Variants in UNC13B observed in about 807,000 individuals in gnomAD.
The protein encoded by UNC13B is unc-13 homolog B.
A neutral mutation model predicts 211.0 loss-of-function variants in UNC13B; 144 were observed. The ratio of observed to expected loss-of-function variants is 0.68; its 90% CI spans 0.60 to 0.78. UNC13B has a LOEUF of 0.78. Ranked by LOEUF, UNC13B falls within the 30% of genes least tolerant of loss-of-function variation. UNC13B has a pLI of 0.00. For synonymous variants in UNC13B, 709 were observed against 725.8 expected (o/e 0.98, Z 0.37); for missense variants, 1,777 against 2,002.0 (o/e 0.89, Z 2.14).
chr9:35,399,783 G>T (rs1836165890), intron 36 of UNC13B, 54 bp downstream of exon 36: 1 of 1,568,582 alleles, frequency 6.4e-7, no homozygotes, highest in African/African-American at 1.4e-5. Flanking sequence ...ACTTGGCCCT[G>T]GCATTCCACT....
At chr9:35,235,878 G>A (rs780403291) in intron 3 of UNC13B, among the ~76,000 whole-genome samples, 1 of 152,164 alleles carries the variant, frequency 6.6e-6, no homozygotes, top group Non-Finnish European at 1.5e-5. Flanking sequence ...TGGCAATAAT[G>A]TCCTTATTAC....
At position 35,333,748 on chromosome 9, in the gene UNC13B, C is replaced by T. The variant is rs186651229; in HGVS notation, c.9414+19759C>T. 1.1e-4 allele frequency among the ~76,000 whole-genome samples: 16 copies of T among 152,292 alleles called. No homozygotes were observed. In the East Asian group the frequency reaches 2.9e-3, roughly 28 times the overall value. On this transcript the variant is annotated intron_variant, in intron 11 of 39. Transcript: ENST00000635942. ...TATTTCCCTCTCTCAAATTCTTGTACATTTTATCTGTGTCCCTTATGATAC... is the reference window on the plus strand; with the variant it reads ...TATTTCCCTCTCTCAAATTCTTGTATATTTTATCTGTGTCCCTTATGATAC...
intron 1 of UNC13B, among the ~76,000 whole-genome samples, chr9:35,192,183 C>A (rs909657237): frequency 6.6e-6 from 1 of 152,092 alleles, no homozygotes; most frequent in Non-Finnish European, 1.5e-5. Flanking sequence ...GTTGAAAGAA[C>A]ATTATAAAAG....
At chr9:35,362,983 C>T (rs1927960) in intron 11 of UNC13B, among the ~76,000 whole-genome samples, 25,139 of 151,952 alleles carry the variant, frequency 0.17, 3,161 homozygotes, top group African/African-American at 0.34. Flanking sequence ...AGAACTATGC[C>T]TTGGAGGAAG....
At chr9:35,372,313 C>T (rs1587719582) in intron 13 of UNC13B, among the ~76,000 whole-genome samples, 1 of 152,240 alleles carries the variant, frequency 6.6e-6, no homozygotes, top group African/African-American at 2.4e-5. Context: ...TCCCAAATCA[C>T]TTGGGCCCTT....
At position 35,400,368 on chromosome 9, in the gene UNC13B, C is replaced by T. The variant is rs1432832753; in HGVS notation, c.12409C>T (p.Arg4137Cys). Residue 4137 changes from arginine to cysteine, a missense_variant, in exon 37 of 40, where the codon CGC becomes TGC. Arg to Cys is a radical substitution (Grantham distance 180). Transcript: ENST00000635942. The stretch of plus-strand genomic sequence containing the variant: ...GAAGAGCCCAGATCTGCAGTCTCTA[C>T]GCTATGCCCTGTCTCTGTACACACA... ...LEKSPDLQSL[R>C]YALSLYTQTT... 5 of 1,614,042 alleles carry T rather than the reference C, an allele frequency of 3.1e-6. No homozygotes were observed. The Admixed American group carries it at 5.0e-5, about 16-fold the overall frequency.
chr9:35,328,638 TCC>T (rs1831165918), intron 11 of UNC13B, among the ~76,000 whole-genome samples: 1 of 94,046 alleles, frequency 1.1e-5, no homozygotes, highest in African/African-American at 4.5e-5. Context: ...CTTCCTTCCT[TCC>T]TTCCTTCCTT....
intron 7 of UNC13B, among the ~76,000 whole-genome samples, chr9:35,269,261 A>G (rs1428162735): frequency 6.6e-6 from 1 of 152,226 alleles, no homozygotes; most frequent in African/African-American, 2.4e-5. Context: ...CCAGGAAAAC[A>G]GTTAATTTGG....
At position 35,176,763 on chromosome 9, in the gene UNC13B, G is replaced by A. The variant is rs578076394; in HGVS notation, c.22+14458G>A. On this transcript the variant is annotated intron_variant, in intron 1 of 39. Transcript: ENST00000635942. Reference sequence around the variant, plus strand: ...TACAACTGATTTGTGCTATAAACGAGAGTACATGTTATTATAAGAACATGT... The same window carrying A: ...TACAACTGATTTGTGCTATAAACGAAAGTACATGTTATTATAAGAACATGT... 2.8e-4 allele frequency among the ~76,000 whole-genome samples: 43 copies of A among 152,264 alleles called. 1 individual carries two copies. The South Asian group carries it at 7.7e-3, about 27-fold the overall frequency.
At chr9:35,234,780 T>A (rs1166234492) in intron 3 of UNC13B, among the ~76,000 whole-genome samples, 1 of 152,210 alleles carries the variant, frequency 6.6e-6, no homozygotes, top group Non-Finnish European at 1.5e-5. Flanking sequence ...AGGGACAAAT[T>A]TTCTTTGCTT....
chr9:35,231,154 G>A lies in UNC13B; in HGVS notation c.87G>A (p.Gln29=). The change falls in exon 3 of 40, where the codon CAG becomes CAA. Residue 29 remains glutamine (Q), a synonymous_variant. Coordinates refer to ENST00000635942, the MANE Select transcript of UNC13B (RefSeq NM_001371189.2). The stretch of plus-strand genomic sequence containing the variant: ...ACACATATGTGACCCTGAAAGTACA[G>A]AATGTGAAGAGCACAACTGTAGCAG... ...KFNTYVTLKV[Q]NVKSTTVAVR... is the part of the protein sequence containing the mutation. 6.2e-7 allele frequency: 1 copy of A among 1,613,330 alleles called. No individual in the cohort carries two copies. The highest frequency in any genetic ancestry group is 8.5e-7 in the Non-Finnish European group (1 of 1,179,482).
intron 7 of UNC13B, among the ~76,000 whole-genome samples, chr9:35,269,026 T>C (rs1235353555): frequency 1.3e-5 from 2 of 152,230 alleles, no homozygotes. Flanking sequence ...AGCAATTCTC[T>C]GCTAACATCA....
Position 35,283,856 on chromosome 9 carries a change from A to G in UNC13B, c.527-11840A>G, listed in dbSNP as rs866160846. ...AGTGTGATAGGCAGCGTGAACAGCTAGTTCAAAAGCTGGTAGCTACTGAAA... is the reference window on the plus strand; with the variant it reads ...AGTGTGATAGGCAGCGTGAACAGCTGGTTCAAAAGCTGGTAGCTACTGAAA... On this transcript the variant is annotated intron_variant, in intron 7 of 39. Coordinates refer to ENST00000635942, the MANE Select transcript of UNC13B (RefSeq NM_001371189.2). Among the ~76,000 whole-genome samples the G allele has an allele frequency of 4.6e-5, 7 of 151,858 alleles. No homozygotes were observed. The South Asian group carries it at 1.5e-3, about 32-fold the overall frequency.
Position 35,399,069 on chromosome 9 carries a change from G to A in UNC13B, c.12074+35G>A, listed in dbSNP as rs770436201. 6.8e-6 allele frequency: 11 copies of A among 1,613,560 alleles called. No individual in the cohort carries two copies. The Admixed American group carries it at 1.8e-4, about 27-fold the overall frequency. On this transcript the variant is annotated intron_variant, in intron 33 of 39. Coordinates refer to ENST00000635942, the MANE Select transcript of UNC13B (RefSeq NM_001371189.2). Reference sequence around the variant, plus strand: ...GCATTCAGGACTATCCTGTGGGGATGAGCAAAGCAGATGCTATCGGGCAAG... The same window carrying A: ...GCATTCAGGACTATCCTGTGGGGATAAGCAAAGCAGATGCTATCGGGCAAG...
At chr9:35,250,133 C>T (rs991929915) in intron 6 of UNC13B, among the ~76,000 whole-genome samples, 5 of 152,136 alleles carry the variant, frequency 3.3e-5, no homozygotes, top group African/African-American at 9.7e-5. Flanking sequence ...TTTCGTCTTT[C>T]TTCCACTGTG....
rs934070075 is a variant in UNC13B, at chr9:35,300,120, C to G, written c.762-46C>G. 15 of 398,266 alleles carry G rather than the reference C, an allele frequency of 3.8e-5. No homozygotes were observed. The Admixed American group carries it at 4.0e-4, about 11-fold the overall frequency. 24.7% of individuals were successfully genotyped at this position (398,266 alleles called of 1,614,324 possible). On this transcript the variant is annotated intron_variant, in intron 8 of 39. Coordinates refer to ENST00000635942, the MANE Select transcript of UNC13B (RefSeq NM_001371189.2). The stretch of plus-strand genomic sequence containing the variant: ...AAGATACCACCTCAGAGCCAACAAA[C>G]AGAATTCTCTACTGAGTTTAAGGTT...
At chr9:35,365,906 T>C (rs1177396000) in intron 11 of UNC13B, among the ~76,000 whole-genome samples, 1 of 152,210 alleles carries the variant, frequency 6.6e-6, no homozygotes, top group Admixed American at 6.5e-5. Context: ...ACCCAGGTAA[T>C]TCTCCCTCAC....
rs1835061217 is a variant in UNC13B at position 35,384,507 on chromosome 9, G to A, written c.10875+193G>A. 22 of 985,316 alleles carry A rather than the reference G, an allele frequency of 2.2e-5. No individual in the cohort carries two copies. In the South Asian group the frequency reaches 9.4e-4, roughly 42 times the overall value. The allele number at this position is 985,316 out of a possible 1,614,324, so 61.0% of individuals were successfully genotyped here. On this transcript the variant is annotated intron_variant, in intron 22 of 39. Transcript: ENST00000635942. ...GGGACCATGTGGTGTATAAATAGCA[G>A]CAGGTATGGTTAGTTTTTATAGACA...
chr9:35,403,610 G>C lies in UNC13B; in HGVS notation c.12737+11G>C, dbSNP rs1329303859. ...TGAGACATTCCACTTGTAAGTTACG[G>C]GGGGGACATACAGGACTCTGGGATG... On this transcript the variant is annotated intron_variant, in intron 39 of 39. Transcript: ENST00000635942. 3 of 1,610,386 alleles carry C rather than the reference G, an allele frequency of 1.9e-6. No individual in the cohort carries two copies. Among genetic ancestry groups the C allele is most frequent in the East Asian group, 2.2e-5 (1 of 44,744 alleles).
Sources: allele counts gnomAD v4.1 joint callset (sites outside exome capture counted in the v4.1 genomes callset), GRCh38; gene constraint gnomAD v4.1.1; transcripts MANE v1.5; gene names NCBI Gene and HGNC (gene_info 2026-07-23, HGNC 2026-07-21).